Variants in GRIA4 observed in about 807,000 individuals in gnomAD.
GRIA4 encodes the protein glutamate ionotropic receptor AMPA type subunit 4, also known as glutamate receptor 4.
Under a neutral mutation model 104.0 loss-of-function variants are expected in GRIA4, and 34 were observed. The observed-to-expected ratio is 0.33, with a 90% CI of 0.25 to 0.44. The LOEUF (loss-of-function observed/expected upper bound fraction) is 0.44, where lower values mean the gene tolerates loss of function less well. Ranked by LOEUF, GRIA4 falls within the 20% of genes least tolerant of loss-of-function variation. The pLI is 1.00. For synonymous variants in GRIA4, 386 were observed against 381.9 expected, an observed-to-expected ratio of 1.01 and a Z score of -0.13; for missense variants, 750 against 1,096.5, an observed-to-expected ratio of 0.68 and a Z score of 4.46.
chr11:105,676,281 G>T (rs1201295522), intron 3 of GRIA4, among the ~76,000 whole-genome samples: 1 of 151,680 alleles, frequency 6.6e-6, no homozygotes, highest in Non-Finnish European at 1.5e-5. Flanking sequence ...ACCAGCAGCA[G>T]TTGGTATCTA....
At chr11:105,614,501 C>T (rs958710827) in intron 3 of GRIA4, 12 of 151,588 alleles carry the variant, frequency 7.9e-5, no homozygotes, top group South Asian at 2.1e-4. Flanking sequence ...AAATATGAAA[C>T]GTAGAGTATG....
chr11:105,756,951 C>T (rs1272785360), intron 4 of GRIA4, among the ~76,000 whole-genome samples: 1 of 152,150 alleles, frequency 6.6e-6, no homozygotes, highest in Non-Finnish European at 1.5e-5. Context: ...GCATACATTA[C>T]TGCCTTCCTG....
Position 105,620,705 on chromosome 11 carries a change from T to C in GRIA4, c.247+8271T>C, listed in dbSNP as rs372254877. 1.6e-4 allele frequency among the ~76,000 whole-genome samples: 25 copies of C among 151,982 alleles called. No individual in the cohort carries two copies. In the South Asian group the frequency reaches 5.2e-3, roughly 31 times the overall value. On this transcript the variant is annotated intron_variant, in intron 3 of 16. Transcript: ENST00000282499. ...ACTTTATATTGCCAAATTCATGTCA[T>C]AAACACAACCAAGTGTAAAAACGAC...
intron 13 of GRIA4, among the ~76,000 whole-genome samples, chr11:105,931,044 C>T (rs587978): frequency 0.47 from 70,806 of 151,816 alleles, 16,524 homozygotes; most frequent in Admixed American, 0.51. Flanking sequence ...ATCAGAGAGG[C>T]AATATTTTTC....
chr11:105,790,867 T>A (rs938541110), intron 4 of GRIA4, among the ~76,000 whole-genome samples: 3 of 152,192 alleles, frequency 2.0e-5, no homozygotes, highest in African/African-American at 7.2e-5. Flanking sequence ...TCCTTCCATT[T>A]CCTTTTTATG....
chr11:105,792,944 T>C (rs1323839562), intron 4 of GRIA4, among the ~76,000 whole-genome samples: 1 of 152,104 alleles, frequency 6.6e-6, no homozygotes, highest in Non-Finnish European at 1.5e-5. Flanking sequence ...CCCTACTATA[T>C]ACTCAGAAAT....
intron 3 of GRIA4, among the ~76,000 whole-genome samples, chr11:105,725,370 G>A (rs540318846): frequency 2.6e-5 from 4 of 152,156 alleles, no homozygotes; most frequent in East Asian, 1.9e-4. Context: ...CAACACAAAC[G>A]TGAATGGCAA....
chr11:105,780,090 TCTC>T (rs1591243725), intron 4 of GRIA4, among the ~76,000 whole-genome samples: 1 of 152,130 alleles, frequency 6.6e-6, no homozygotes, highest in East Asian at 1.9e-4. Context: ...GCTACAGTGG[TCTC>T]CTATGTATAA....
At chr11:105,817,490 A>AT (rs889470042) in intron 4 of GRIA4, among the ~76,000 whole-genome samples, 5 of 150,772 alleles carry the variant, frequency 3.3e-5, no homozygotes, top group South Asian at 2.1e-4. Flanking sequence ...TAGTTTTTAA[A>AT]TTTTTTTTTC....
At chr11:105,937,738 A>G (rs909163915) in intron 14 of GRIA4, among the ~76,000 whole-genome samples, 7 of 152,200 alleles carry the variant, frequency 4.6e-5, no homozygotes, top group Non-Finnish European at 8.8e-5. Flanking sequence ...AACTGTGTCT[A>G]AAGTAAAACA....
chr11:105,796,301 A>G (rs1195800341), intron 4 of GRIA4, among the ~76,000 whole-genome samples: 4 of 152,102 alleles, frequency 2.6e-5, no homozygotes, highest in Non-Finnish European at 5.9e-5. Flanking sequence ...TATTTGATCA[A>G]ATCTTCAATC....
intron 4 of GRIA4, 103 bp from the exon 5 acceptor site, chr11:105,861,921 G>A (rs1193321038): frequency 1.4e-6 from 1 of 693,136 alleles, no homozygotes; most frequent in East Asian, 2.5e-5. Flanking sequence ...TAAGCATTCA[G>A]TATATTTTGG....
At chr11:105,773,552 C>A (rs558987126) in intron 4 of GRIA4, among the ~76,000 whole-genome samples, 8 of 152,090 alleles carry the variant, frequency 5.3e-5, no homozygotes, top group Non-Finnish European at 1.2e-4. Flanking sequence ...CCCTCCAGCA[C>A]GCTGGGCTCT....
At chr11:105,904,154 G>C (rs1188720793) in intron 8 of GRIA4, among the ~76,000 whole-genome samples, 173 bp downstream of exon 8, 1 of 152,138 alleles carries the variant, frequency 6.6e-6, no homozygotes, top group Non-Finnish European at 1.5e-5. Context: ...GAATCTTGCT[G>C]TTTACATTTT....
chr11:105,913,714 C>A (rs772313545), intron 10 of GRIA4, among the ~76,000 whole-genome samples: 65 of 152,132 alleles, frequency 4.3e-4, no homozygotes, highest in Non-Finnish European at 8.4e-4. Context: ...GGAGATAATA[C>A]AGTGATGTTT....
At chr11:105,789,041 T>G (rs1176485759) in intron 4 of GRIA4, among the ~76,000 whole-genome samples, 1 of 152,134 alleles carries the variant, frequency 6.6e-6, no homozygotes, top group Admixed American at 6.6e-5. Context: ...ACATTCCTAG[T>G]GACACACAGG....
intron 4 of GRIA4, among the ~76,000 whole-genome samples, chr11:105,802,696 AT>A (rs971054992): frequency 6.6e-6 from 1 of 151,896 alleles, no homozygotes; most frequent in Non-Finnish European, 1.5e-5. Context: ...GTTTGGCAAG[AT>A]TTTTTTACAG....
At chr11:105,909,534 A>C (rs926767109) in intron 9 of GRIA4, among the ~76,000 whole-genome samples, 32 of 152,286 alleles carry the variant, frequency 2.1e-4, no homozygotes, top group African/African-American at 7.5e-4. Context: ...TAGCCTTCTA[A>C]AATGAATCCT....
At chr11:105,724,758 T>C (rs891155551) in intron 3 of GRIA4, among the ~76,000 whole-genome samples, 1 of 152,150 alleles carries the variant, frequency 6.6e-6, no homozygotes, top group East Asian at 1.9e-4. Flanking sequence ...TGCAACAAAA[T>C]TGTACTTATA....
Sources: gnomAD v4.1 joint callset for allele counts (sites outside exome capture counted in the v4.1 genomes callset) on GRCh38, gnomAD v4.1.1 for gene constraint, MANE v1.5 for transcripts, NCBI Gene and HGNC (gene_info 2026-07-23, HGNC 2026-07-21) for gene names.